PRKCH: variants seen among roughly 807,000 people sequenced by gnomAD.
PRKCH encodes the protein protein kinase C eta.
In PRKCH, 28 loss-of-function variants were observed where a neutral mutation model predicts 82.5. The ratio of observed to expected loss-of-function variants is 0.34; its 90% CI spans 0.25 to 0.47. The LOEUF is 0.47. PRKCH is among the 20% of genes least tolerant of loss of function. PRKCH has a pLI of 1.00. For synonymous variants in PRKCH, 322 were observed against 327.4 expected, an observed-to-expected ratio of 0.98 and a Z score of 0.18; for missense variants, 705 against 881.8, an observed-to-expected ratio of 0.80 and a Z score of 2.54.
chr14:61,247,267 T>A (rs1451816530), intron 1 of PRKCH, among the ~76,000 whole-genome samples: 1 of 144,372 alleles, frequency 6.9e-6, no homozygotes, highest in African/African-American at 2.5e-5. Flanking sequence ...GACATTAGAC[T>A]TTTTTTTTTT....
At chr14:61,213,056 G>C (rs903969767) in intron 1 of PRKCH, among the ~76,000 whole-genome samples, 5 of 152,142 alleles carry the variant, frequency 3.3e-5, no homozygotes, top group African/African-American at 9.7e-5. Context: ...GGGGTGGGTA[G>C]AGAAAAACAC....
chr14:61,205,829 A>G (rs1385056161), intron 1 of PRKCH, among the ~76,000 whole-genome samples: 1 of 152,228 alleles, frequency 6.6e-6, no homozygotes, highest in African/African-American at 2.4e-5. Context: ...CTGTTCCTCA[A>G]AGCCCAGTAG....
At chr14:61,322,763 T>G in intron 1 of PRKCH, 1 of 322,422 alleles carries the variant, frequency 3.1e-6, no homozygotes, top group South Asian at 6.8e-5. Flanking sequence ...AGTCTTTGGG[T>G]AAGGAGCTCC....
chr14:61,443,283 GTCC>G (rs766945378), intron 3 of PRKCH, 22 bp downstream of exon 3: 14 of 1,607,536 alleles, frequency 8.7e-6, no homozygotes, highest in South Asian at 5.5e-5. Flanking sequence ...CCTTACTTCT[GTCC>G]TCCTCAGAGC....
intron 1 of PRKCH, among the ~76,000 whole-genome samples, chr14:61,374,772 G>C (rs924379961): frequency 2.0e-5 from 3 of 151,926 alleles, no homozygotes; most frequent in African/African-American, 7.3e-5. Flanking sequence ...TTCTCTTCTA[G>C]GCCTCCCAGT....
At chr14:61,324,269 A>C (rs2045667123) in intron 1 of PRKCH, among the ~76,000 whole-genome samples, 1 of 152,218 alleles carries the variant, frequency 6.6e-6, no homozygotes, top group African/African-American at 2.4e-5. Context: ...CACTGGATGA[A>C]TATTCAGTGT....
intron 1 of PRKCH, among the ~76,000 whole-genome samples, chr14:61,215,815 C>T (rs1198212544): frequency 6.6e-5 from 10 of 152,064 alleles, no homozygotes; most frequent in Admixed American, 6.5e-4. Context: ...GAAGTATGTG[C>T]CAAAGCTTTC....
chr14:61,329,510 C>A (rs1202656288), intron 1 of PRKCH, among the ~76,000 whole-genome samples: 1 of 152,072 alleles, frequency 6.6e-6, no homozygotes, highest in Non-Finnish European at 1.5e-5. Context: ...TGCTGGGATG[C>A]AGGCATGAGT....
chr14:61,281,093 T>G (rs992700372), intron 1 of PRKCH: 3 of 1,496,236 alleles, frequency 2.0e-6, no homozygotes, highest in South Asian at 2.5e-5. Context: ...CGCTGCTGAG[T>G]GAAGGCGGTG....
intron 9 of PRKCH, among the ~76,000 whole-genome samples, chr14:61,458,715 G>A (rs749029646): frequency 1.2e-4 from 18 of 152,160 alleles, no homozygotes; most frequent in Non-Finnish European, 2.4e-4. Context: ...CAGTCATAGC[G>A]GAAGGGTGAA....
intron 2 of PRKCH, among the ~76,000 whole-genome samples, chr14:61,430,948 G>T (rs1201260797): frequency 1.3e-5 from 2 of 152,160 alleles, no homozygotes; most frequent in South Asian, 2.1e-4. Flanking sequence ...TAGAGATGGG[G>T]TTTCGCCATG....
chr14:61,372,197 T>C (rs2046371682), intron 1 of PRKCH, among the ~76,000 whole-genome samples: 1 of 152,048 alleles, frequency 6.6e-6, no homozygotes, highest in Non-Finnish European at 1.5e-5. Flanking sequence ...CCAGGGACCC[T>C]GGTTCCTTTT....
chr14:61,187,695 A>G (rs994690597), intron 1 of PRKCH: 14 of 152,294 alleles, frequency 9.2e-5, no homozygotes, highest in African/African-American at 3.4e-4. Flanking sequence ...GTGCACAAAA[A>G]GAAAAATGTA....
At chr14:61,455,604 A>G (rs961454450) in intron 7 of PRKCH, among the ~76,000 whole-genome samples, 3 of 152,226 alleles carry the variant, frequency 2.0e-5, no homozygotes, top group Non-Finnish European at 2.9e-5. Context: ...GAGATTAAAG[A>G]TATCAGCCTG....
intron 2 of PRKCH, among the ~76,000 whole-genome samples, chr14:61,403,262 A>G (rs1485854207): frequency 1.3e-5 from 2 of 152,208 alleles, no homozygotes; most frequent in African/African-American, 4.8e-5. Context: ...TCAAAGGGGT[A>G]CTTGGACCAA....
chr14:61,451,080 T>C (rs919348117), intron 6 of PRKCH, 109 bp downstream of exon 6: 1 of 1,325,090 alleles, frequency 7.5e-7, no homozygotes, highest in African/African-American at 1.5e-5. Context: ...GTTTTAGATA[T>C]GTTGTAAATC....
At chr14:61,307,254 C>T (rs1292466459) in intron 1 of PRKCH, 2 of 152,132 alleles carry the variant, frequency 1.3e-5, no homozygotes, top group South Asian at 2.1e-4. Flanking sequence ...ACAATAACAA[C>T]AGTAAATAAC....
intron 1 of PRKCH, among the ~76,000 whole-genome samples, chr14:61,257,974 A>AC: frequency 6.6e-6 from 1 of 151,414 alleles, no homozygotes; most frequent in African/African-American, 2.4e-5. Context: ...CGTTTTATGG[A>AC]TTTTTTTTTC....
chr14:61,208,953 A>G (rs2044548229), intron 1 of PRKCH, among the ~76,000 whole-genome samples: 1 of 152,202 alleles, frequency 6.6e-6, no homozygotes, highest in Non-Finnish European at 1.5e-5. Flanking sequence ...AAAGTTCATA[A>G]GTTGGAAACT....
Sources: allele counts gnomAD v4.1 joint callset (sites outside exome capture counted in the v4.1 genomes callset), GRCh38; gene constraint gnomAD v4.1.1; transcripts MANE v1.5; gene names NCBI Gene and HGNC (gene_info 2026-07-23, HGNC 2026-07-21).